The following RIMS2 variants were observed in gnomAD, a reference collection of about 807,000 sequenced individuals.
RIMS2 encodes regulating synaptic membrane exocytosis protein 2.
A neutral mutation model predicts 174.4 loss-of-function variants in RIMS2; 59 were observed. That is an observed-to-expected ratio of 0.34 (90% CI 0.27 to 0.42). The LOEUF (loss-of-function observed/expected upper bound fraction) is 0.42, where lower values mean the gene tolerates loss of function less well. RIMS2 is among the 10% of genes least tolerant of loss of function. The pLI is 1.00. For synonymous variants in RIMS2, 606 were observed against 572.5 expected, an observed-to-expected ratio of 1.06 and a Z score of -0.84; for missense variants, 1,620 against 1,666.3, an observed-to-expected ratio of 0.97 and a Z score of 0.48.
At chr8:103,504,431 A>T (rs1208077476) in intron 1 of RIMS2, among the ~76,000 whole-genome samples, 1 of 152,194 alleles carries the variant, frequency 6.6e-6, no homozygotes, top group Non-Finnish European at 1.5e-5. Flanking sequence ...ATTTATTAAA[A>T]GTTGAATTTC....
At chr8:103,739,713 G>A (rs1366208679) in intron 2 of RIMS2, among the ~76,000 whole-genome samples, 1 of 152,114 alleles carries the variant, frequency 6.6e-6, no homozygotes, top group Non-Finnish European at 1.5e-5. Flanking sequence ...ATAGAAATGA[G>A]TAGTTCAATT....
At chr8:104,250,028 G>C (rs1372932514) in intron 22 of RIMS2, among the ~76,000 whole-genome samples, 1 of 152,126 alleles carries the variant, frequency 6.6e-6, no homozygotes, top group Non-Finnish European at 1.5e-5. Context: ...ATGTATGCTG[G>C]ATATTCTAAT....
At chr8:104,020,478 C>CT (rs1258613590) in intron 19 of RIMS2, among the ~76,000 whole-genome samples, 1 of 151,856 alleles carries the variant, frequency 6.6e-6, no homozygotes, top group Non-Finnish European at 1.5e-5. Flanking sequence ...AATGTCTATT[C>CT]TTTTTTATTT....
chr8:103,954,183 T>G (rs1423325945), intron 14 of RIMS2, among the ~76,000 whole-genome samples: 1 of 152,070 alleles, frequency 6.6e-6, no homozygotes, highest in Non-Finnish European at 1.5e-5. Flanking sequence ...CTGTCAACAT[T>G]AGACAGATCA....
intron 1 of RIMS2, among the ~76,000 whole-genome samples, chr8:103,675,451 G>C (rs1350244791): frequency 6.6e-6 from 1 of 152,178 alleles, no homozygotes; most frequent in African/African-American, 2.4e-5. Flanking sequence ...GCTTGACTCG[G>C]CCCTGCAGCT....
intron 19 of RIMS2, among the ~76,000 whole-genome samples, chr8:104,142,911 G>A (rs1318424810): frequency 3.9e-5 from 6 of 152,114 alleles, no homozygotes; most frequent in Non-Finnish European, 7.4e-5. Flanking sequence ...TTGCAATAAT[G>A]TTAAAAATAC....
intron 19 of RIMS2, among the ~76,000 whole-genome samples, chr8:104,142,717 G>A (rs2133670456): frequency 6.6e-6 from 1 of 152,124 alleles, no homozygotes. Flanking sequence ...AATTACTAAT[G>A]GCTATAATCA....
intron 1 of RIMS2, among the ~76,000 whole-genome samples, chr8:103,625,408 A>C (rs1157140758): frequency 6.6e-6 from 1 of 152,200 alleles, no homozygotes; most frequent in African/African-American, 2.4e-5. Flanking sequence ...AGAAATAAAA[A>C]ATGGATTTAA....
intron 13 of RIMS2, among the ~76,000 whole-genome samples, chr8:103,942,150 C>T (rs1184540663): frequency 6.6e-6 from 1 of 152,186 alleles, no homozygotes; most frequent in Non-Finnish European, 1.5e-5. Context: ...CTCCTACCCT[C>T]TACCCTCCGG....
intron 14 of RIMS2, among the ~76,000 whole-genome samples, chr8:103,946,216 G>T (rs1249817661): frequency 2.0e-5 from 3 of 152,178 alleles, no homozygotes; most frequent in Non-Finnish European, 4.4e-5. Flanking sequence ...TTTTGACCAG[G>T]TGCAGTGGCT....
chr8:103,677,448 G>A (rs1394052716), intron 1 of RIMS2, among the ~76,000 whole-genome samples: 2 of 152,112 alleles, frequency 1.3e-5, no homozygotes, highest in African/African-American at 4.8e-5. Flanking sequence ...TTTAGTTTCT[G>A]TCATAACTTC....
chr8:103,987,796 G>C (rs1333307451), intron 16 of RIMS2, among the ~76,000 whole-genome samples: 2 of 152,118 alleles, frequency 1.3e-5, no homozygotes, highest in East Asian at 3.9e-4. Context: ...ATCAACTTAT[G>C]AGTAATTACT....
At chr8:103,766,409 A>G in exon 3 of RIMS2, 1 of 1,613,872 alleles carries the variant, frequency 6.2e-7, no homozygotes. Flanking sequence ...CCCAGTTCCA[A>G]GGACCCTCAG....
intron 15 of RIMS2, among the ~76,000 whole-genome samples, chr8:103,974,158 T>C (rs1271829665): frequency 2.0e-5 from 3 of 152,190 alleles, no homozygotes; most frequent in Admixed American, 6.5e-5. Flanking sequence ...CTTCTCCTTC[T>C]TCCTGAGGGC....
intron 19 of RIMS2, among the ~76,000 whole-genome samples, chr8:104,184,167 A>C (rs918465441): frequency 6.6e-6 from 1 of 151,628 alleles, no homozygotes; most frequent in Non-Finnish European, 1.5e-5. Context: ...TTTTGTCTTG[A>C]ACAGGTCATC....
Position 103,711,542 on chromosome 8 carries a change from A to G in RIMS2, c.387+14246A>G, listed in dbSNP as rs1486272441. Among the ~76,000 whole-genome samples the G allele has an allele frequency of 4.6e-5, 7 of 152,324 alleles. No individual in the cohort carries two copies. The East Asian group carries it at 1.2e-3, about 25-fold the overall frequency. On this transcript the variant is annotated intron_variant, in intron 2 of 23. Transcript: ENST00000504942. ...GAGTGGTTTGCCAAATGGGTTCTAT[A>G]GTAGACATTTGCCATATATATTCCG...
At chr8:104,116,140 C>T (rs1001976662) in intron 19 of RIMS2, among the ~76,000 whole-genome samples, 1 of 152,122 alleles carries the variant, frequency 6.6e-6, no homozygotes, top group Non-Finnish European at 1.5e-5. Context: ...GATTGCATTT[C>T]TAAAGTATTC....
chr8:103,649,019 G>T (rs1280115402), intron 1 of RIMS2, among the ~76,000 whole-genome samples: 1 of 152,020 alleles, frequency 6.6e-6, no homozygotes, highest in African/African-American at 2.4e-5. Context: ...TTGTTTATGT[G>T]GTTGCTTCAT....
chr8:103,990,707 A>G (rs1412547766), intron 17 of RIMS2, among the ~76,000 whole-genome samples: 1 of 152,018 alleles, frequency 6.6e-6, no homozygotes, highest in Non-Finnish European at 1.5e-5. Context: ...TCTGGAAATT[A>G]TTTATATACC....
Sources: allele counts gnomAD v4.1 joint callset (sites outside exome capture counted in the v4.1 genomes callset), GRCh38; gene constraint gnomAD v4.1.1; transcripts MANE v1.5; gene names NCBI Gene and HGNC (gene_info 2026-07-23, HGNC 2026-07-21).